AGR3: variants seen among roughly 807,000 people sequenced by gnomAD.
AGR3 encodes the protein anterior gradient 3, protein disulphide isomerase family member.
Under a neutral mutation model 24.5 loss-of-function variants are expected in AGR3, and 37 were observed. The observed-to-expected ratio is 1.51, with a 90% confidence interval of 1.16 to 1.99. The LOEUF (loss-of-function observed/expected upper bound fraction) is 1.99. AGR3 is among the 30% of genes most tolerant of loss of function. AGR3 has a pLI of 0.00. For synonymous variants in AGR3, 75 were observed against 61.6 expected (o/e 1.22, Z -1.02); for missense variants, 228 against 191.1 (o/e 1.19, Z -1.14).
downstream of AGR3, among the ~76,000 whole-genome samples, chr7:16,856,061 G>T (rs1219744151): frequency 1.3e-5 from 2 of 152,144 alleles, no homozygotes; most frequent in Non-Finnish European, 2.9e-5. Context: ...CTACTAGAAG[G>T]TTGAGCTGTT....
chr7:16,872,182 C>T (rs1216184467), intron 3 of AGR3, among the ~76,000 whole-genome samples: 1 of 152,074 alleles, frequency 6.6e-6, no homozygotes, highest in Non-Finnish European at 1.5e-5. Context: ...AAACTGCAGG[C>T]ATCATACTAC....
chr7:16,869,026 T>G (rs1256859371), intron 3 of AGR3, among the ~76,000 whole-genome samples: 2 of 152,240 alleles, frequency 1.3e-5, no homozygotes, highest in African/African-American at 2.4e-5. Context: ...TCTTGCTGTT[T>G]GATTAAATGC....
At chr7:16,872,796 T>A (rs934419225) in intron 3 of AGR3, among the ~76,000 whole-genome samples, 1 of 152,010 alleles carries the variant, frequency 6.6e-6, no homozygotes, top group African/African-American at 2.4e-5. Flanking sequence ...GGGCAAAAGA[T>A]CTGAATAGAC....
At chr7:16,861,776 C>T (rs895140386) in intron 5 of AGR3, among the ~76,000 whole-genome samples, 1 of 151,880 alleles carries the variant, frequency 6.6e-6, no homozygotes, top group African/African-American at 2.4e-5. Context: ...TGGCAGGTGC[C>T]TGTAGTCCCA....
chr7:16,880,111 C>T (rs543448624), intron 1 of AGR3, among the ~76,000 whole-genome samples: 1 of 133,258 alleles, frequency 7.5e-6, no homozygotes, highest in East Asian at 2.1e-4. Context: ...TTCCTTCTTT[C>T]CTTCCTTCCT....
intron 5 of AGR3, 23 bp downstream of exon 5, chr7:16,861,961 A>G: frequency 1.3e-6 from 2 of 1,569,780 alleles, no homozygotes; most frequent in South Asian, 1.2e-5. Context: ...TAGTATTAAG[A>G]AAACATCACA....
intron 3 of AGR3, among the ~76,000 whole-genome samples, chr7:16,869,481 A>G (rs919605672): frequency 5.9e-5 from 9 of 152,088 alleles, no homozygotes; most frequent in Admixed American, 1.3e-4. Context: ...TAATCCCAGC[A>G]CTTTGGGAGG....
chr7:16,875,932 G>A (rs1230558795), intron 2 of AGR3, among the ~76,000 whole-genome samples: 1 of 152,144 alleles, frequency 6.6e-6, no homozygotes, highest in African/African-American at 2.4e-5. Context: ...AACAGCAAGT[G>A]AGACGAGGCC....
At chr7:16,871,316 A>G (rs1781859248) in intron 3 of AGR3, among the ~76,000 whole-genome samples, 2 of 152,212 alleles carry the variant, frequency 1.3e-5, no homozygotes, top group Admixed American at 1.3e-4. Flanking sequence ...TATAAAATGT[A>G]TTCTAATAGC....
chr7:16,855,789 A>G (rs1004394765), downstream of AGR3, among the ~76,000 whole-genome samples: 1 of 152,188 alleles, frequency 6.6e-6, no homozygotes, highest in African/African-American at 2.4e-5. Flanking sequence ...ATATGTGTGT[A>G]TGAAATCAAT....
At chr7:16,872,948 A>T (rs1021182660) in intron 3 of AGR3, among the ~76,000 whole-genome samples, 7 of 152,226 alleles carry the variant, frequency 4.6e-5, no homozygotes, top group Non-Finnish European at 2.9e-5. Context: ...AAGACAAAAA[A>T]TAACAAATGC....
In AGR3 at chr7:16,878,571, A is replaced by G. The variant is rs371801980; in HGVS notation, c.48T>C (p.Val16=). ...TTATTGCAATGGCAAGGTTGGAAGA[A>G]ACTGTGACGAGTAAGAGGCAGAGAC... ...ALGLCLLLVT[V]SSNLAIAIKK... Residue 16 remains valine (V), a synonymous_variant, in exon 2 of 8, where the codon GTT becomes GTC. Coordinates refer to ENST00000310398, the MANE Select transcript of AGR3 (RefSeq NM_176813.5). 1.2e-5 allele frequency: 20 copies of G among 1,614,158 alleles called. No homozygotes were observed. Among genetic ancestry groups the G allele is most frequent in the South Asian group, 6.6e-5 (6 of 91,084 alleles).
Position 16,876,735 on chromosome 7 carries a change from C to A in AGR3, c.109+1775G>T, listed in dbSNP as rs113932340. 6.9e-3 allele frequency among the ~76,000 whole-genome samples: 1,043 copies of A among 152,244 alleles called. 19 individuals carry two copies. Among genetic ancestry groups the A allele is most frequent in the African/African-American group, 0.024 (995 of 41,546 alleles). ...CTTCTGTGTTAAATTAGTTTCTTAT[C>A]AATTGAAATAATAGAACCTTTAAGT... On this transcript the variant is annotated intron_variant, in intron 2 of 7. Transcript: ENST00000310398.
chr7:16,874,372 A>G (rs1007891418), intron 2 of AGR3, among the ~76,000 whole-genome samples: 2 of 152,126 alleles, frequency 1.3e-5, no homozygotes, highest in Non-Finnish European at 2.9e-5. Context: ...TGGCCAAGAG[A>G]CATAATAAAA....
At chr7:16,864,221 A>G (rs1206228660) in intron 3 of AGR3, 2 of 1,191,556 alleles carry the variant, frequency 1.7e-6, no homozygotes, top group African/African-American at 3.1e-5. Context: ...GAATGAAACA[A>G]AAATGAATCT....
At chr7:16,864,349 G>T (rs898695252) in intron 3 of AGR3, 2 of 1,347,130 alleles carry the variant, frequency 1.5e-6, no homozygotes, top group Non-Finnish European at 1.1e-6. Context: ...CTGGCTGGCA[G>T]GCAGTTCACT....
intron 3 of AGR3, chr7:16,865,054 A>G (rs1463854377): frequency 8.8e-6 from 7 of 793,874 alleles, no homozygotes; most frequent in Non-Finnish European, 1.6e-5. Context: ...TGAGAGGGCA[A>G]CCAAGATGAG....
intron 2 of AGR3, among the ~76,000 whole-genome samples, chr7:16,877,824 C>CT (rs1378339979): frequency 1.4e-5 from 2 of 143,292 alleles, no homozygotes; most frequent in Non-Finnish European, 3.0e-5. Flanking sequence ...GATCGTGCCA[C>CT]TACACTCCAG....
rs1003793750 is a variant in AGR3 at position 16,865,200 on chromosome 7, T to A, written c.174-2538A>T. 7.9e-6 allele frequency: 6 copies of A among 763,006 alleles called. No individual in the cohort carries two copies. The Admixed American group carries it at 1.3e-4, about 17-fold the overall frequency. 47.3% of individuals were successfully genotyped at this position (763,006 alleles called of 1,614,324 possible). A position where few individuals can be genotyped will look rare whatever the true frequency, so the allele number is the denominator to read the frequency against. ...AACCCTATCAGTTTTTTTTCTTTGTTTTGATTTTGACAGCGTAGCATTTGA... is the reference window on the plus strand; with the variant it reads ...AACCCTATCAGTTTTTTTTCTTTGTATTGATTTTGACAGCGTAGCATTTGA... On this transcript the variant is annotated intron_variant, in intron 3 of 7. Transcript: ENST00000310398.
Sources: gnomAD v4.1 joint callset for allele counts (sites outside exome capture counted in the v4.1 genomes callset) on GRCh38, gnomAD v4.1.1 for gene constraint, MANE v1.5 for transcripts, NCBI Gene and HGNC (gene_info 2026-07-23, HGNC 2026-07-21) for gene names.